The following EXOC2 variants were observed in gnomAD, a reference collection of about 807,000 sequenced individuals.
The protein encoded by EXOC2 is SEC5-like 1.
A neutral mutation model predicts 131.8 loss-of-function variants in EXOC2; 70 were observed. The observed-to-expected ratio is 0.53, with a 90% CI of 0.44 to 0.65. The LOEUF is 0.65. Ranked by LOEUF, EXOC2 falls within the 30% of genes least tolerant of loss-of-function variation. EXOC2 has a pLI of 0.00. For missense variants in EXOC2, 923 were observed against 1,108.6 expected (o/e 0.83, Z 2.38); for synonymous variants, 411 against 398.4 (o/e 1.03, Z -0.38).
At chr6:543,331 G>A (rs1016203283) in intron 22 of EXOC2, among the ~76,000 whole-genome samples, 9 of 152,140 alleles carry the variant, frequency 5.9e-5, no homozygotes, top group African/African-American at 2.2e-4. Context: ...TGGTACTGGA[G>A]GACCTTATGC....
At chr6:621,946 G>A (rs573491072) in intron 4 of EXOC2, among the ~76,000 whole-genome samples, 2 of 152,280 alleles carry the variant, frequency 1.3e-5, no homozygotes, top group South Asian at 2.1e-4. Flanking sequence ...GGGGAATATA[G>A]AGACTGAGTG....
At position 593,236 on chromosome 6, in the gene EXOC2, T is replaced by C. The variant is rs994137943; in HGVS notation, c.1074-649A>G. Among the ~76,000 whole-genome samples the C allele has an allele frequency of 2.0e-5, 3 of 152,216 alleles. No homozygotes were observed. The South Asian group carries it at 6.2e-4, about 31-fold the overall frequency. On this transcript the variant is annotated intron_variant, in intron 10 of 27. Coordinates refer to ENST00000230449, the MANE Select transcript of EXOC2 (RefSeq NM_018303.6). ...TCTACTTAGTTCAGAGTCATTATAT[T>C]AGACACAGGTGGGAGCCAGCAGATA...
intron 4 of EXOC2, among the ~76,000 whole-genome samples, chr6:627,243 CAAAAA>C (rs144043704): frequency 1.4e-4 from 17 of 118,918 alleles, no homozygotes; most frequent in Admixed American, 2.5e-4. Flanking sequence ...TGACAGTATC[CAAAAA>C]AAAAAAAAAA....
At chr6:632,263 A>G (rs1359600276) in intron 3 of EXOC2, among the ~76,000 whole-genome samples, 2 of 152,220 alleles carry the variant, frequency 1.3e-5, no homozygotes, top group Admixed American at 1.3e-4. Context: ...ACTTTTGCTC[A>G]TGGATAAAGA....
At chr6:542,379 G>A (rs1450318998) in intron 22 of EXOC2, among the ~76,000 whole-genome samples, 4 of 152,316 alleles carry the variant, frequency 2.6e-5, no homozygotes, top group South Asian at 4.1e-4. Flanking sequence ...TTCTAGTGCC[G>A]AGAACAAGGC....
At chr6:490,266 AAGTC>A (rs1386420535) in intron 26 of EXOC2, among the ~76,000 whole-genome samples, 4 of 152,198 alleles carry the variant, frequency 2.6e-5, no homozygotes, top group Non-Finnish European at 5.9e-5. Flanking sequence ...CTCTAAAACT[AAGTC>A]AGCAGGAAGA....
chr6:561,015 A>G (rs1312076944), intron 17 of EXOC2, among the ~76,000 whole-genome samples: 1 of 152,086 alleles, frequency 6.6e-6, no homozygotes, highest in Non-Finnish European at 1.5e-5. Flanking sequence ...GCCCAATTAA[A>G]ATATTTTTAT....
intron 17 of EXOC2, among the ~76,000 whole-genome samples, chr6:558,397 G>C (rs1395432416): frequency 6.6e-6 from 1 of 152,142 alleles, no homozygotes; most frequent in Non-Finnish European, 1.5e-5. Context: ...TGTTTGTTAG[G>C]TTACTGACCT....
intron 22 of EXOC2, among the ~76,000 whole-genome samples, chr6:542,086 AG>A (rs1756589622): frequency 6.6e-6 from 1 of 152,218 alleles, no homozygotes; most frequent in African/African-American, 2.4e-5. Flanking sequence ...AATATTGTTT[AG>A]AAACCACACA....
intron 1 of EXOC2, among the ~76,000 whole-genome samples, 194 bp downstream of exon 1, chr6:692,825 A>ACGGCGGGGATGGGGG (rs1554154204): frequency 2.7e-5 from 1 of 37,664 alleles, no homozygotes; most frequent in African/African-American, 5.4e-5. Context: ...CAGGCGGCTG[A>ACGGCGGGGATGGGGG]CGGCGGGGAT....
chr6:637,483 A>C (rs527614904), intron 2 of EXOC2, among the ~76,000 whole-genome samples: 1 of 152,364 alleles, frequency 6.6e-6, no homozygotes, highest in South Asian at 2.1e-4. Context: ...AACCTTCTGA[A>C]GGATTTGAAA....
intron 11 of EXOC2, 72 bp from the exon 12 acceptor site, chr6:576,954 T>C: frequency 7.1e-7 from 1 of 1,406,622 alleles, no homozygotes; most frequent in Non-Finnish European, 9.7e-7. Context: ...GATTTAATGG[T>C]CTGCTTCTCT....
At chr6:612,639 A>G (rs1265947330) in intron 6 of EXOC2, among the ~76,000 whole-genome samples, 6 of 152,232 alleles carry the variant, frequency 3.9e-5, no homozygotes, top group Non-Finnish European at 8.8e-5. Flanking sequence ...AGAAAATGAT[A>G]CCTACCTGAA....
intron 1 of EXOC2, among the ~76,000 whole-genome samples, chr6:692,793 C>G (rs1392226505): frequency 2.5e-5 from 3 of 119,894 alleles, no homozygotes; most frequent in Non-Finnish European, 5.6e-5. Flanking sequence ...TGCGAACTGG[C>G]GGGGGTGGGC....
chr6:656,277 A>G (rs1332301006), intron 1 of EXOC2: 1 of 1,614,198 alleles, frequency 6.2e-7, no homozygotes, highest in Admixed American at 1.7e-5. Context: ...CATGCTCTCC[A>G]GGTCTCTGTT....
Position 660,815 on chromosome 6 carries a change from C to G in EXOC2, c.-43-22954G>C, listed in dbSNP as rs539235653. Among the ~76,000 whole-genome samples, 3 of 151,780 alleles carry G rather than the reference C, an allele frequency of 2.0e-5. No homozygotes were observed. The East Asian group carries it at 5.8e-4, about 29-fold the overall frequency. Reference sequence around the variant, plus strand: ...AACCATGAAGGAATCCCTGATTTACCTGAAAAAAAAATTCAGGAGGTTAGT... The same window carrying G: ...AACCATGAAGGAATCCCTGATTTACGTGAAAAAAAAATTCAGGAGGTTAGT... On this transcript the variant is annotated intron_variant, in intron 1 of 27. Coordinates refer to ENST00000230449, the MANE Select transcript of EXOC2 (RefSeq NM_018303.6).
chr6:685,039 C>CT (rs1764579429), intron 1 of EXOC2, among the ~76,000 whole-genome samples: 1 of 152,106 alleles, frequency 6.6e-6, no homozygotes, highest in African/African-American at 2.4e-5. Context: ...CTCTACTCAA[C>CT]AGGCCACGGA....
intron 11 of EXOC2, among the ~76,000 whole-genome samples, chr6:579,011 A>C (rs1311928331): frequency 2.0e-5 from 3 of 152,142 alleles, no homozygotes; most frequent in Non-Finnish European, 4.4e-5. Flanking sequence ...ATACATATAA[A>C]AACTTCTAAT....
intron 1 of EXOC2, among the ~76,000 whole-genome samples, chr6:666,975 A>G (rs1344815814): frequency 1.0e-5 from 1 of 95,990 alleles, no homozygotes; most frequent in Non-Finnish European, 2.5e-5. Context: ...TGGATAGTGG[A>G]AGTACCTTAT....
Sources: gnomAD v4.1 joint callset for allele counts (sites outside exome capture counted in the v4.1 genomes callset) on GRCh38, gnomAD v4.1.1 for gene constraint, MANE v1.5 for transcripts, NCBI Gene and HGNC (gene_info 2026-07-23, HGNC 2026-07-21) for gene names.